Variants in IGDCC3 observed in about 807,000 individuals in gnomAD.
IGDCC3 encodes the protein putative neuronal cell adhesion molecule.
A neutral mutation model predicts 72.0 loss-of-function variants in IGDCC3; 47 were observed. That is an observed-to-expected ratio of 0.65 (90% CI 0.52 to 0.83). IGDCC3 has a LOEUF of 0.83. Among genes scored for constraint, IGDCC3 ranks in the 40% least tolerant of loss-of-function variants. The probability of loss-of-function intolerance (pLI) is 0.00; values close to 1 mark genes in which losing one functional copy is unlikely to be tolerated. For synonymous variants in IGDCC3, 477 were observed against 472.8 expected, an observed-to-expected ratio of 1.01 and a Z score of -0.11; for missense variants, 1,038 against 1,091.3, an observed-to-expected ratio of 0.95 and a Z score of 0.69.
At chr15:65,344,882 G>A (rs1313489601) in intron 2 of IGDCC3, among the ~76,000 whole-genome samples, 8 of 149,920 alleles carry the variant, frequency 5.3e-5, no homozygotes, top group Non-Finnish European at 1.5e-5. Context: ...GGACTGGGGG[G>A]TGCCCTGCCC....
intron 1 of IGDCC3, among the ~76,000 whole-genome samples, chr15:65,375,905 G>A (rs945188147): frequency 3.9e-5 from 6 of 152,202 alleles, no homozygotes; most frequent in African/African-American, 1.4e-4. Flanking sequence ...GGGTCATAGG[G>A]TTGTATGACA....
Position 65,333,272 on chromosome 15 carries a change from G to A in IGDCC3, c.967C>T (p.Arg323Trp), listed in dbSNP as rs539854885. 9.9e-6 allele frequency: 16 copies of A among 1,609,174 alleles called. No individual in the cohort carries two copies. The highest frequency in any genetic ancestry group is 6.6e-5 in the South Asian group (6 of 90,462). ...TGATCCATACCTTGCACCACCAGCC[G>A]GCCCTGTGCCGTTCTCCTCACCCGG... ...GTRVRRTAQG[R>W]LVVQAPAEFV... Residue 323 changes from arginine to tryptophan, a missense_variant, in exon 6 of 14, where the codon CGG becomes TGG. Coordinates refer to ENST00000327987, the MANE Select transcript of IGDCC3 (RefSeq NM_004884.4).
At chr15:65,359,200 A>C (rs1274022462) in intron 2 of IGDCC3, among the ~76,000 whole-genome samples, 1 of 152,204 alleles carries the variant, frequency 6.6e-6, no homozygotes, top group Non-Finnish European at 1.5e-5. Context: ...ATGGGTGAGT[A>C]TTCTGATAGG....
chr15:65,342,033 C>T (rs963883715), intron 2 of IGDCC3, among the ~76,000 whole-genome samples: 1 of 152,060 alleles, frequency 6.6e-6, no homozygotes, highest in Non-Finnish European at 1.5e-5. Flanking sequence ...GCTGGGCCTC[C>T]CAAAGTGTTG....
chr15:65,341,958 A>G (rs1395129470), intron 2 of IGDCC3, among the ~76,000 whole-genome samples: 3 of 152,098 alleles, frequency 2.0e-5, no homozygotes, highest in Non-Finnish European at 4.4e-5. Context: ...TATTTTTAGT[A>G]GAGACGGAGT....
rs1294258861 is a variant in IGDCC3, at chr15:65,330,350, C to T, written c.1801G>A (p.Gly601Arg). The T allele has an allele frequency of 2.5e-6, 4 of 1,614,040 alleles. No individual in the cohort carries two copies. In the African/African-American group the frequency reaches 4.0e-5, roughly 16 times the overall value. The change falls in exon 11 of 14, where the codon GGA becomes AGA. Residue 601 changes from glycine (G) to arginine (R), a missense_variant. Coordinates refer to ENST00000327987, the MANE Select transcript of IGDCC3 (RefSeq NM_004884.4). The stretch of plus-strand genomic sequence containing the variant: ...AAGCGGACTGTGGCATTGCCATCTC[C>T]ATGCTGGTTGTAGGCGAGCAGCTTC... ...EVKLLAYNQH[G>R]DGNATVRFVS...
chr15:65,368,646 AGACCCCTGCAT>A (rs1220030093), intron 2 of IGDCC3, among the ~76,000 whole-genome samples: 7 of 152,194 alleles, frequency 4.6e-5, no homozygotes, highest in Non-Finnish European at 1.0e-4. Flanking sequence ...AGGAGACCCA[AGACCCCTGCAT>A]GGAGGGGGTA....
intron 8 of IGDCC3, 60 bp from the exon 9 acceptor site, chr15:65,331,274 G>A: frequency 1.3e-6 from 2 of 1,588,152 alleles, no homozygotes; most frequent in African/African-American, 1.3e-5. Flanking sequence ...TGCCAGCATT[G>A]GTGAAATGAG....
intron 2 of IGDCC3, among the ~76,000 whole-genome samples, chr15:65,369,351 C>T (rs2091308971): frequency 6.6e-6 from 1 of 152,194 alleles, no homozygotes; most frequent in Admixed American, 6.5e-5. Flanking sequence ...GCAACTTGTC[C>T]ACAGCCACAC....
chr15:65,359,926 T>C (rs188833649), intron 2 of IGDCC3, among the ~76,000 whole-genome samples: 8 of 152,250 alleles, frequency 5.3e-5, no homozygotes, highest in Admixed American at 1.3e-4. Context: ...TGCTGAGTTA[T>C]TGGGGGCGAG....
chr15:65,369,618 G>A (rs1484642867), intron 2 of IGDCC3, among the ~76,000 whole-genome samples: 2 of 152,092 alleles, frequency 1.3e-5, no homozygotes, highest in Non-Finnish European at 2.9e-5. Flanking sequence ...GAGGAGCTGC[G>A]GGGGAGACTT....
chr15:65,330,830 C>T, intron 9 of IGDCC3, 89 bp from the exon 10 acceptor site: 1 of 1,219,996 alleles, frequency 8.2e-7, no homozygotes, highest in African/African-American at 1.5e-5. Context: ...CCCCAAAAGC[C>T]TGACAGCCCT....
At chr15:65,332,841 C>T (rs751934003) in intron 6 of IGDCC3, among the ~76,000 whole-genome samples, 7 of 152,302 alleles carry the variant, frequency 4.6e-5, no homozygotes, top group South Asian at 2.1e-4. Flanking sequence ...AGGCTGCCGG[C>T]GACAGAGTGA....
chr15:65,371,711 G>C (rs993928534), intron 2 of IGDCC3, among the ~76,000 whole-genome samples: 1 of 152,222 alleles, frequency 6.6e-6, no homozygotes, highest in Non-Finnish European at 1.5e-5. Context: ...AGGAAAGAGG[G>C]GCAGGGATTG....
At chr15:65,362,522 G>A (rs1433472536) in intron 2 of IGDCC3, among the ~76,000 whole-genome samples, 1 of 127,120 alleles carries the variant, frequency 7.9e-6, no homozygotes, top group African/African-American at 2.8e-5. Context: ...CTGCTCACAC[G>A]AAGCCTGAAC....
At chr15:65,353,944 C>T (rs1217357679) in intron 2 of IGDCC3, among the ~76,000 whole-genome samples, 1 of 152,122 alleles carries the variant, frequency 6.6e-6, no homozygotes, top group Admixed American at 6.5e-5. Context: ...TCACTCTCAT[C>T]ACCCAGGCTG....
rs74737095 is a variant in IGDCC3, at chr15:65,359,157, C to G, written c.409+15940G>C. Reference sequence around the variant, plus strand: ...AAATGATCTCTTCCTTTCCCAAACCCAAGACCATGAGTAACTTTAAAAATA... The same window carrying G: ...AAATGATCTCTTCCTTTCCCAAACCGAAGACCATGAGTAACTTTAAAAATA... On this transcript the variant is annotated intron_variant, in intron 2 of 13. Transcript: ENST00000327987. Among the ~76,000 whole-genome samples the G allele has an allele frequency of 6.2e-3, 947 of 152,288 alleles. 9 individuals carry two copies. The highest frequency in any genetic ancestry group is 0.022 in the African/African-American group (904 of 41,550).
intron 2 of IGDCC3, among the ~76,000 whole-genome samples, chr15:65,360,505 C>T (rs2091253467): frequency 6.6e-6 from 1 of 152,056 alleles, no homozygotes; most frequent in African/African-American, 2.4e-5. Flanking sequence ...TTTAAGAGAC[C>T]TCAGAAAATT....
At chr15:65,363,966 T>C (rs542283768) in intron 2 of IGDCC3, among the ~76,000 whole-genome samples, 40 of 152,156 alleles carry the variant, frequency 2.6e-4, no homozygotes, top group Non-Finnish European at 4.7e-4. Context: ...AAGACTTGTC[T>C]ACACAGAGCC....
Sources: gnomAD v4.1 joint callset for allele counts (sites outside exome capture counted in the v4.1 genomes callset) on GRCh38, gnomAD v4.1.1 for gene constraint, MANE v1.5 for transcripts, NCBI Gene and HGNC (gene_info 2026-07-23, HGNC 2026-07-21) for gene names.